Variants in NCALD observed in about 807,000 individuals in gnomAD.
NCALD encodes the protein neurocalcin-delta.
Under a neutral mutation model 18.6 loss-of-function variants are expected in NCALD, and 10 were observed. That is an observed-to-expected ratio of 0.54 (90% CI 0.33 to 0.91). The LOEUF (loss-of-function observed/expected upper bound fraction) is 0.91, where lower values mean the gene tolerates loss of function less well. Among genes scored for constraint, NCALD ranks in the 40% least tolerant of loss-of-function variants. The pLI is 0.03. For synonymous variants in NCALD, 88 were observed against 87.4 expected, an observed-to-expected ratio of 1.01 and a Z score of -0.04; for missense variants, 184 against 247.6, an observed-to-expected ratio of 0.74 and a Z score of 1.72.
chr8:102,033,407 A>G (rs1298125645), intron 1 of NCALD, among the ~76,000 whole-genome samples: 1 of 152,176 alleles, frequency 6.6e-6, no homozygotes, highest in African/African-American at 2.4e-5. Flanking sequence ...TCTATAATAC[A>G]TGGGTCAGAG....
chr8:101,951,260 C>A (rs1327080113), intron 2 of NCALD, among the ~76,000 whole-genome samples: 1 of 152,022 alleles, frequency 6.6e-6, no homozygotes, highest in Admixed American at 6.6e-5. Context: ...AATGGCAAAA[C>A]GTTTGGTATA....
chr8:101,967,597 C>A (rs1180070940), intron 2 of NCALD, among the ~76,000 whole-genome samples: 2 of 152,114 alleles, frequency 1.3e-5, no homozygotes, highest in Non-Finnish European at 2.9e-5. Context: ...AGTTTTGCTG[C>A]TAAAAGCAGA....
chr8:101,811,526 A>G lies in NCALD; in HGVS notation c.-20+75615T>C, dbSNP rs115608890. On this transcript the variant is annotated intron_variant, in intron 4 of 6. Transcript: ENST00000311028. ...TGTTTAAAGCCACCAAGTTTGTGATAATTTGTTATAACAGCAATAGGAAAT... is the reference window on the plus strand; with the variant it reads ...TGTTTAAAGCCACCAAGTTTGTGATGATTTGTTATAACAGCAATAGGAAAT... Among the ~76,000 whole-genome samples, 354 of 152,344 alleles carry G rather than the reference A, an allele frequency of 2.3e-3. 2 individuals carry two copies. The highest frequency in any genetic ancestry group is 8.4e-3 in the African/African-American group (348 of 41,584).
chr8:102,050,168 C>CAAAAA (rs71268541), intron 1 of NCALD, among the ~76,000 whole-genome samples: 998 of 44,688 alleles, frequency 0.022, 70 homozygotes, highest in Non-Finnish European at 0.03. Flanking sequence ...GACTCCGTCT[C>CAAAAA]AAAAAAAAAA....
At chr8:101,772,753 G>A (rs1811636927) in intron 1 of NCALD, among the ~76,000 whole-genome samples, 1 of 152,080 alleles carries the variant, frequency 6.6e-6, no homozygotes, top group Admixed American at 6.5e-5. Context: ...TGAAGCCAAG[G>A]GCCTCCCTTC....
chr8:101,705,865 C>T (rs1299389178), intron 2 of NCALD, among the ~76,000 whole-genome samples: 1 of 152,160 alleles, frequency 6.6e-6, no homozygotes, highest in Non-Finnish European at 1.5e-5. Context: ...AATGAGATCC[C>T]ACTGTTCTGC....
intron 2 of NCALD, among the ~76,000 whole-genome samples, chr8:101,948,732 T>C (rs1427629760): frequency 6.6e-6 from 1 of 152,108 alleles, no homozygotes; most frequent in Non-Finnish European, 1.5e-5. Context: ...TGGCGGCCAT[T>C]TCACAACCCC....
At chr8:101,783,732 A>G (rs747451311) in intron 1 of NCALD, among the ~76,000 whole-genome samples, 1 of 152,190 alleles carries the variant, frequency 6.6e-6, no homozygotes, top group African/African-American at 2.4e-5. Context: ...GGGGCCAATG[A>G]GCGAGATCTT....
chr8:101,759,953 C>T (rs1026557448), intron 1 of NCALD, among the ~76,000 whole-genome samples: 1 of 152,080 alleles, frequency 6.6e-6, no homozygotes, highest in Non-Finnish European at 1.5e-5. Context: ...AGGGCAGTGG[C>T]GCTTGCATTT....
At chr8:102,034,043 CACACG>C (rs1175461291) in intron 1 of NCALD, among the ~76,000 whole-genome samples, 4 of 151,834 alleles carry the variant, frequency 2.6e-5, no homozygotes, top group Non-Finnish European at 5.9e-5. Flanking sequence ...CACACACACA[CACACG>C]CAGCTTTGTG....
At chr8:101,710,466 G>T (rs993897477) in intron 2 of NCALD, among the ~76,000 whole-genome samples, 9 of 152,208 alleles carry the variant, frequency 5.9e-5, no homozygotes, top group African/African-American at 1.9e-4. Context: ...AAGTGGTCTT[G>T]CTCAGTGGGT....
chr8:101,743,254 A>T (rs1457990867), intron 1 of NCALD, among the ~76,000 whole-genome samples: 1 of 144,122 alleles, frequency 6.9e-6, no homozygotes. Context: ...CTGAAAACTC[A>T]GTGTGTTCCT....
intron 1 of NCALD, among the ~76,000 whole-genome samples, chr8:102,044,064 A>T (rs1325575343): frequency 6.6e-6 from 1 of 152,014 alleles, no homozygotes; most frequent in Admixed American, 6.5e-5. Flanking sequence ...AAATTTTAAC[A>T]TATGTTCACT....
chr8:101,728,366 C>T (rs4734039), intron 1 of NCALD, among the ~76,000 whole-genome samples: 73,900 of 152,080 alleles, frequency 0.49, 21,013 homozygotes, highest in African/African-American at 0.77. Flanking sequence ...GGACACAACT[C>T]ATCCTGGACA....
chr8:101,894,632 A>G (rs1271812832), intron 3 of NCALD, among the ~76,000 whole-genome samples: 4 of 148,540 alleles, frequency 2.7e-5, no homozygotes, highest in East Asian at 1.9e-4. Flanking sequence ...TAATAAAGAA[A>G]AAAAGAGAGA....
intron 3 of NCALD, among the ~76,000 whole-genome samples, chr8:101,913,672 T>C (rs1255541860): frequency 1.3e-5 from 2 of 152,184 alleles, no homozygotes; most frequent in African/African-American, 2.4e-5. Flanking sequence ...AACCTCCGCC[T>C]CCTGGATTCA....
At chr8:101,938,055 C>T (rs144245539) in intron 2 of NCALD, among the ~76,000 whole-genome samples, 25 of 152,280 alleles carry the variant, frequency 1.6e-4, no homozygotes, top group African/African-American at 2.4e-4. Flanking sequence ...AACCATGATG[C>T]GCCATGACTT....
chr8:101,935,621 G>T (rs540624151), intron 2 of NCALD, among the ~76,000 whole-genome samples: 127 of 152,212 alleles, frequency 8.3e-4, no homozygotes, highest in Non-Finnish European at 1.0e-3. Context: ...GTCACTGGGG[G>T]CCTTGACAAA....
At chr8:101,937,742 G>A (rs776930869) in intron 2 of NCALD, among the ~76,000 whole-genome samples, 2 of 152,186 alleles carry the variant, frequency 1.3e-5, no homozygotes, top group Admixed American at 6.5e-5. Context: ...CCTGTATGAA[G>A]TCATGGGATG....
Sources: gnomAD v4.1 joint callset for allele counts (sites outside exome capture counted in the v4.1 genomes callset) on GRCh38, gnomAD v4.1.1 for gene constraint, MANE v1.5 for transcripts, NCBI Gene and HGNC (gene_info 2026-07-23, HGNC 2026-07-21) for gene names.